Variants in SGCZ observed in about 807,000 individuals in gnomAD.
SGCZ encodes zeta-sarcoglycan.
SGCZ carries 40 observed loss-of-function variants against 41.3 expected under a neutral mutation model. The ratio of observed to expected loss-of-function variants is 0.97; its 90% CI spans 0.75 to 1.26. The LOEUF is 1.26. Among genes scored for constraint, SGCZ ranks in the 50% most tolerant of loss-of-function variants. The pLI, the probability that SGCZ is intolerant of heterozygous loss-of-function variation, is 0.00. For missense variants in SGCZ, 552 were observed against 369.8 expected (o/e 1.49, Z -4.04); for synonymous variants, 206 against 137.5 (o/e 1.50, Z -3.49).
chr8:14,254,230 T>C (rs1425484603), intron 3 of SGCZ, among the ~76,000 whole-genome samples: 1 of 152,168 alleles, frequency 6.6e-6, no homozygotes, highest in African/African-American at 2.4e-5. Flanking sequence ...AATAAAAATG[T>C]TACATTATAA....
At chr8:14,638,245 G>A (rs117176474) in intron 1 of SGCZ, among the ~76,000 whole-genome samples, 2,859 of 151,810 alleles carry the variant, frequency 0.019, 53 homozygotes, top group African/African-American at 0.048. Flanking sequence ...GCTACATCAA[G>A]TTTCTTAGAG....
chr8:15,060,864 C>T (rs1374689519), intron 1 of SGCZ, among the ~76,000 whole-genome samples: 1 of 152,068 alleles, frequency 6.6e-6, no homozygotes, highest in Non-Finnish European at 1.5e-5. Context: ...TGGGCAATGG[C>T]TGGAGCTCAA....
chr8:14,377,798 C>A (rs947546589), intron 2 of SGCZ, among the ~76,000 whole-genome samples: 40 of 151,262 alleles, frequency 2.6e-4, no homozygotes, highest in Admixed American at 1.2e-3. Flanking sequence ...TTTGTTCTTG[C>A]GATAGTTTAC....
At chr8:14,830,682 G>A (rs944039998) in intron 1 of SGCZ, among the ~76,000 whole-genome samples, 1 of 152,080 alleles carries the variant, frequency 6.6e-6, no homozygotes, top group Non-Finnish European at 1.5e-5. Flanking sequence ...ACTTTAGTTT[G>A]CAAAGGAATG....
chr8:14,208,378 T>C (rs1297250578), intron 4 of SGCZ, among the ~76,000 whole-genome samples: 1 of 152,202 alleles, frequency 6.6e-6, no homozygotes, highest in African/African-American at 2.4e-5. Context: ...TAATTTTGGA[T>C]TCTGTGTCAA....
At chr8:15,194,210 C>CACACAT (rs1250502589) in intron 1 of SGCZ, among the ~76,000 whole-genome samples, 2 of 151,778 alleles carry the variant, frequency 1.3e-5, no homozygotes, top group African/African-American at 2.4e-5. Flanking sequence ...CACACACACA[C>CACACAT]ACACACACAC....
At chr8:15,094,147 T>A (rs1806251111) in intron 1 of SGCZ, among the ~76,000 whole-genome samples, 1 of 152,120 alleles carries the variant, frequency 6.6e-6, no homozygotes, top group South Asian at 2.1e-4. Flanking sequence ...TTAAATTTTT[T>A]TTTTTGAGAC....
intron 1 of SGCZ, among the ~76,000 whole-genome samples, chr8:15,197,434 A>C (rs972388555): frequency 1.3e-5 from 2 of 152,238 alleles, no homozygotes; most frequent in Admixed American, 6.5e-5. Context: ...CATTTTTGAA[A>C]GCACAAATTC....
chr8:14,205,282 C>G (rs567940289), intron 4 of SGCZ, among the ~76,000 whole-genome samples: 2 of 152,004 alleles, frequency 1.3e-5, no homozygotes, highest in African/African-American at 4.8e-5. Flanking sequence ...CCTCAACATG[C>G]TAACTAGTCA....
At chr8:14,114,803 T>A (rs555717154) in intron 5 of SGCZ, among the ~76,000 whole-genome samples, 1 of 152,130 alleles carries the variant, frequency 6.6e-6, no homozygotes, top group African/African-American at 2.4e-5. Context: ...TTTGTAACCT[T>A]CAAGAAGTTA....
At chr8:14,769,482 G>T (rs1198576838) in intron 1 of SGCZ, among the ~76,000 whole-genome samples, 3 of 152,092 alleles carry the variant, frequency 2.0e-5, no homozygotes, top group South Asian at 2.1e-4. Context: ...TAAAAGGAAG[G>T]AGTGGTCTTT....
At chr8:14,427,023 T>G (rs1799800947) in intron 2 of SGCZ, among the ~76,000 whole-genome samples, 3 of 146,408 alleles carry the variant, frequency 2.0e-5, no homozygotes, top group Non-Finnish European at 4.4e-5. Flanking sequence ...TGCAGCCCAG[T>G]AACATTAAAT....
intron 4 of SGCZ, among the ~76,000 whole-genome samples, chr8:14,192,164 C>T (rs544079363): frequency 6.6e-6 from 1 of 152,130 alleles, no homozygotes; most frequent in South Asian, 2.1e-4. Context: ...TAAACTTTCA[C>T]ATGGGTAGTG....
chr8:14,239,919 A>T, intron 3 of SGCZ, among the ~76,000 whole-genome samples: 1 of 148,398 alleles, frequency 6.7e-6, no homozygotes, highest in South Asian at 2.1e-4. Flanking sequence ...AAAAAAAAAA[A>T]AAAAAAAAAA....
rs72496763 is a variant in SGCZ, at chr8:15,196,622, TTTTATTTA to T, written c.39+40955_39+40962del. 1.3e-3 allele frequency among the ~76,000 whole-genome samples: 194 copies of T among 151,370 alleles called. 1 individual carries two copies. The East Asian group carries it at 0.026, about 21-fold the overall frequency. On this transcript the variant is annotated intron_variant, in intron 1 of 7. Coordinates refer to ENST00000382080, the MANE Select transcript of SGCZ (RefSeq NM_139167.4). ...TAGTGACTACAAACAGTAAAATTTC[TTTTATTTA>T]TTTATTTATTTATTATTATTATACT...
rs1223307583 is a variant in SGCZ at position 15,001,728 on chromosome 8, CAAAAAAA to C, written c.39+235850_39+235856del. 7.4e-3 allele frequency among the ~76,000 whole-genome samples: 601 copies of C among 81,064 alleles called. 5 individuals are homozygous for C. Among genetic ancestry groups the C allele is most frequent in the African/African-American group, 0.022 (528 of 23,690 alleles). 53.2% of individuals were successfully genotyped at this position (81,064 alleles called of 152,430 possible). On this transcript the variant is annotated intron_variant, in intron 1 of 7. Transcript: ENST00000382080. ...TGGGCAAAAGAGCAAGACTCCGTCT[CAAAAAAA>C]AAAAAAAAAAAAAAAAGAGAAAAAA...
chr8:14,102,386 G>C lies in SGCZ; in HGVS notation c.734C>G (p.Thr245Arg), dbSNP rs372898079. 2 of 1,512,952 alleles carry C rather than the reference G, an allele frequency of 1.3e-6. No individual in the cohort carries two copies. The highest frequency in any genetic ancestry group is 2.6e-5 in the South Asian group (2 of 76,552). The allele number at this position is 1,512,952 out of a possible 1,614,324, so 93.7% of individuals were successfully genotyped here. A position where few individuals can be genotyped will look rare whatever the true frequency, so the allele number is the denominator to read the frequency against. Residue 245 changes from threonine to arginine, a missense_variant, in exon 7 of 8, where the codon ACA becomes AGA. Transcript: ENST00000382080. ...CTTTCTGGGACTCACCTCCCCTTCT[G>C]TAGATTGCAGATGGAGCTCCTTCCT... ...TCRKELHLQS[T>R]EGEIFLNAET...
chr8:14,329,705 G>C (rs570943859), intron 2 of SGCZ, among the ~76,000 whole-genome samples: 2 of 152,062 alleles, frequency 1.3e-5, no homozygotes, highest in African/African-American at 2.4e-5. Flanking sequence ...TTCTTGTTTA[G>C]GGGAAATATT....
At chr8:15,191,258 A>C (rs1800528090) in intron 1 of SGCZ, among the ~76,000 whole-genome samples, 1 of 152,096 alleles carries the variant, frequency 6.6e-6, no homozygotes, top group Non-Finnish European at 1.5e-5. Flanking sequence ...GAAAAATTCT[A>C]AATTTTCGCA....
Sources: allele counts gnomAD v4.1 joint callset (sites outside exome capture counted in the v4.1 genomes callset), GRCh38; gene constraint gnomAD v4.1.1; transcripts MANE v1.5; gene names NCBI Gene and HGNC (gene_info 2026-07-23, HGNC 2026-07-21).